Variants in ZC3H12B observed in about 807,000 individuals in gnomAD.
The protein encoded by ZC3H12B is zinc finger CCCH-type containing 12B, also known as probable ribonuclease ZC3H12B.
In ZC3H12B, 7 loss-of-function variants were observed where a neutral mutation model predicts 43.9. The ratio of observed to expected loss-of-function variants is 0.16; its 90% CI spans 0.09 to 0.30. The LOEUF is 0.30. Among genes scored for constraint, ZC3H12B ranks in the 10% least tolerant of loss-of-function variants. The pLI is 1.00. For missense variants in ZC3H12B, 475 were observed against 670.2 expected (o/e 0.71, Z 3.22); for synonymous variants, 222 against 241.7 (o/e 0.92, Z 0.76).
the ZC3H12B span, among the ~76,000 whole-genome samples, chrX:65,172,740 T>G: frequency 1.8e-5 from 2 of 111,998 alleles, no homozygotes; most frequent in African/African-American, 6.5e-5. Context: ...GTTCTAGATG[T>G]GTGGCATTAT....
At chrX:65,137,442 A>G in the ZC3H12B span, among the ~76,000 whole-genome samples, 4 of 112,172 alleles carry the variant, frequency 3.6e-5, no homozygotes, top group Admixed American at 1.9e-4. Context: ...ATAGTTCGTT[A>G]TGATGAAATT....
chrX:65,073,604 A>T, the ZC3H12B span, among the ~76,000 whole-genome samples: 12 of 112,026 alleles, frequency 1.1e-4, no homozygotes, highest in Non-Finnish European at 2.1e-4. Flanking sequence ...GCCTAGGAAG[A>T]TGGCCATCCA....
the ZC3H12B span, among the ~76,000 whole-genome samples, chrX:65,143,168 G>A: frequency 1.8e-5 from 2 of 111,408 alleles, no homozygotes; most frequent in Non-Finnish European, 3.8e-5. Context: ...TGTGTCATCC[G>A]TGATTTCTTT....
At chrX:65,071,199 T>A in the ZC3H12B span, among the ~76,000 whole-genome samples, 1 of 110,724 alleles carries the variant, frequency 9.0e-6, no homozygotes, top group African/African-American at 3.3e-5. Flanking sequence ...CCTTTACCAT[T>A]ATATAATGCC....
At chrX:65,122,132 G>A in the ZC3H12B span, among the ~76,000 whole-genome samples, 10 of 111,063 alleles carry the variant, frequency 9.0e-5, no homozygotes, top group Non-Finnish European at 1.5e-4. Flanking sequence ...TGTTGATTTG[G>A]GGTGGAGAGT....
chrX:65,369,342 G>A (rs2066214968), intron 2 of ZC3H12B, among the ~76,000 whole-genome samples: 2 of 111,783 alleles, frequency 1.8e-5, no homozygotes, highest in Admixed American at 9.6e-5. Flanking sequence ...ATCCTATGGT[G>A]TAGGTATTAT....
chrX:65,434,646 C>T (rs2067199266), intron 3 of ZC3H12B, among the ~76,000 whole-genome samples: 1 of 112,087 alleles, frequency 8.9e-6, no homozygotes, highest in Non-Finnish European at 1.9e-5. Flanking sequence ...TTAGAAGACT[C>T]AAGTAGTTCT....
chrX:65,072,564 T>C, the ZC3H12B span, among the ~76,000 whole-genome samples: 3 of 112,291 alleles, frequency 2.7e-5, no homozygotes, highest in African/African-American at 6.5e-5. Flanking sequence ...TGAGTTTTTT[T>C]TTCTTTTATC....
chrX:65,166,515 G>T, the ZC3H12B span, among the ~76,000 whole-genome samples: 1 of 112,008 alleles, frequency 8.9e-6, no homozygotes, highest in Non-Finnish European at 1.9e-5. Context: ...TCGTGTGCAT[G>T]TGTGTTTATA....
At chrX:65,277,853 C>T in the ZC3H12B span, among the ~76,000 whole-genome samples, 5 of 110,045 alleles carry the variant, frequency 4.5e-5, no homozygotes, top group South Asian at 3.8e-4. Flanking sequence ...AAGGAAGGAG[C>T]TAATACAGAT....
chrX:65,049,491 G>A, the ZC3H12B span, among the ~76,000 whole-genome samples: 1 of 111,224 alleles, frequency 9.0e-6, no homozygotes, highest in African/African-American at 3.3e-5. Flanking sequence ...ATGTGTGTGC[G>A]TTTGTTTTTG....
chrX:65,128,547 T>C, the ZC3H12B span, among the ~76,000 whole-genome samples: 1 of 112,055 alleles, frequency 8.9e-6, no homozygotes, highest in Non-Finnish European at 1.9e-5. Context: ...AGTGGATTAT[T>C]CTAAATAAAT....
the ZC3H12B span, among the ~76,000 whole-genome samples, chrX:65,155,957 C>A: frequency 9.0e-6 from 1 of 110,520 alleles, no homozygotes; most frequent in Non-Finnish European, 1.9e-5. Context: ...TTTAAACTAT[C>A]TCTGCCTAAT....
At chrX:65,092,804 A>G in the ZC3H12B span, among the ~76,000 whole-genome samples, 10 of 112,404 alleles carry the variant, frequency 8.9e-5, no homozygotes, top group Non-Finnish European at 1.7e-4. Flanking sequence ...CAGCCTGACC[A>G]TGTGATAAAA....
chrX:65,099,954 C>T, the ZC3H12B span, among the ~76,000 whole-genome samples: 1 of 111,783 alleles, frequency 8.9e-6, no homozygotes, highest in African/African-American at 3.3e-5. Context: ...GGAGGATGTT[C>T]TAACCCAATG....
the ZC3H12B span, chrX:65,185,051 C>A: frequency 9.0e-6 from 1 of 111,515 alleles, no homozygotes; most frequent in Non-Finnish European, 1.9e-5. Context: ...GATCTCCATG[C>A]TCTTCACTGT....
intron 3 of ZC3H12B, 57 bp downstream of exon 5, chrX:65,398,761 A>G (rs1406199247): frequency 8.9e-6 from 1 of 111,900 alleles, no homozygotes; most frequent in Non-Finnish European, 1.9e-5. Context: ...TTAGTTCTCT[A>G]TAGCAGCATG....
chrX:65,214,566 C>T, the ZC3H12B span, among the ~76,000 whole-genome samples: 1 of 111,774 alleles, frequency 8.9e-6, no homozygotes, highest in African/African-American at 3.2e-5. Context: ...TCAGTCACAT[C>T]TTCAGTCTCC....
intron 3 of ZC3H12B, chrX:65,469,311 G>A (rs1256018986): frequency 2.9e-5 from 9 of 315,137 alleles, no homozygotes; most frequent in East Asian, 6.0e-5. Context: ...CAAGAAGAAC[G>A]AGGTCTTCAT....
Sources: gnomAD v4.1 joint callset for allele counts (sites outside exome capture counted in the v4.1 genomes callset) on GRCh38, gnomAD v4.1.1 for gene constraint, MANE v1.5 for transcripts, NCBI Gene and HGNC (gene_info 2026-07-23, HGNC 2026-07-21) for gene names.